CECR2: variants seen among roughly 807,000 people sequenced by gnomAD.
The protein encoded by CECR2 is chromatin remodeling regulator CECR2.
Under a neutral mutation model 154.5 loss-of-function variants are expected in CECR2, and 30 were observed. The observed-to-expected ratio is 0.19, with a 90% CI of 0.15 to 0.26. The LOEUF (loss-of-function observed/expected upper bound fraction) is 0.26, where lower values mean the gene tolerates loss of function less well. CECR2 is among the 10% of genes least tolerant of loss of function. The pLI, the probability that CECR2 is intolerant of heterozygous loss-of-function variation, is 1.00. For synonymous variants in CECR2, 725 were observed against 683.7 expected, an observed-to-expected ratio of 1.06 and a Z score of -0.94; for missense variants, 1,743 against 1,829.3, an observed-to-expected ratio of 0.95 and a Z score of 0.86.
chr22:17,453,298 T>C (rs1227722026), intron 1 of CECR2, among the ~76,000 whole-genome samples: 1 of 152,026 alleles, frequency 6.6e-6, no homozygotes, highest in African/African-American at 2.4e-5. Flanking sequence ...AAAAATTAAC[T>C]GGACACGGTG....
At chr22:17,538,104 A>G (rs765215160) in intron 10 of CECR2, among the ~76,000 whole-genome samples, 84 of 152,194 alleles carry the variant, frequency 5.5e-4, no homozygotes, top group Non-Finnish European at 1.1e-3. Context: ...CGTAGTCCCA[A>G]CTATTCAGGA....
At chr22:17,488,910 C>T in intron 2 of CECR2, among the ~76,000 whole-genome samples, 1 of 152,156 alleles carries the variant, frequency 6.6e-6, no homozygotes, top group Non-Finnish European at 1.5e-5. Flanking sequence ...CCAGCAATAT[C>T]TGAACAGTCC....
intron 9 of CECR2, among the ~76,000 whole-genome samples, chr22:17,536,567 G>A (rs932234424): frequency 1.3e-5 from 2 of 152,220 alleles, no homozygotes; most frequent in Non-Finnish European, 2.9e-5. Flanking sequence ...CCTGATCTGG[G>A]GGTGGGGTGG....
At chr22:17,402,274 T>G (rs987430082) in intron 1 of CECR2, among the ~76,000 whole-genome samples, 1 of 151,788 alleles carries the variant, frequency 6.6e-6, no homozygotes, top group Non-Finnish European at 1.5e-5. Flanking sequence ...CGTGAGCCAC[T>G]GTGCCTGGCC....
intron 1 of CECR2, among the ~76,000 whole-genome samples, chr22:17,376,483 G>T (rs1162946777): frequency 6.8e-6 from 1 of 146,244 alleles, no homozygotes; most frequent in Non-Finnish European, 1.5e-5. Context: ...TCCATGGTGT[G>T]CTGGGGCTCG....
intron 1 of CECR2, among the ~76,000 whole-genome samples, chr22:17,400,118 T>G (rs2053870060): frequency 6.6e-6 from 1 of 152,230 alleles, no homozygotes. Flanking sequence ...TTTCCTCATT[T>G]TCCTTCCTTT....
intron 1 of CECR2, among the ~76,000 whole-genome samples, chr22:17,377,106 A>G (rs1396142573): frequency 6.6e-6 from 1 of 152,212 alleles, no homozygotes; most frequent in Admixed American, 6.5e-5. Context: ...AATGTTTCTC[A>G]GCATGCATAA....
intron 1 of CECR2, among the ~76,000 whole-genome samples, chr22:17,372,834 C>T (rs2146443076): frequency 6.6e-6 from 1 of 152,068 alleles, no homozygotes; most frequent in Middle Eastern, 3.4e-3. Context: ...TTCAGGAAAC[C>T]AGTTTTCAGC....
At chr22:17,431,464 T>C (rs2054421235) in intron 1 of CECR2, among the ~76,000 whole-genome samples, 2 of 152,200 alleles carry the variant, frequency 1.3e-5, no homozygotes, top group South Asian at 4.1e-4. Flanking sequence ...AGAACACTCT[T>C]CAAAACATAT....
chr22:17,452,926 A>C (rs1410605308), intron 1 of CECR2, among the ~76,000 whole-genome samples: 5 of 152,166 alleles, frequency 3.3e-5, no homozygotes, highest in Admixed American at 2.0e-4. Context: ...CGTGTTCCTC[A>C]TTAGCAGTAA....
chr22:17,405,393 C>T (rs200231159), intron 1 of CECR2, among the ~76,000 whole-genome samples: 2 of 147,494 alleles, frequency 1.4e-5, no homozygotes, highest in African/African-American at 5.0e-5. Context: ...GCATGGGCAA[C>T]GAGAGCGAAA....
chr22:17,551,373 A>G (rs2056705951), intron 17 of CECR2, among the ~76,000 whole-genome samples: 1 of 150,436 alleles, frequency 6.6e-6, no homozygotes, highest in Non-Finnish European at 1.5e-5. Context: ...AGGCTCATGG[A>G]TTTGCATTTG....
At chr22:17,426,222 A>T (rs5746371) in intron 1 of CECR2, among the ~76,000 whole-genome samples, 10,240 of 152,244 alleles carry the variant, frequency 0.067, 931 homozygotes, top group East Asian at 0.36. Context: ...TTATCACACA[A>T]AAAAAGATTA....
At chr22:17,412,015 C>T (rs1601311885) in intron 1 of CECR2, among the ~76,000 whole-genome samples, 1 of 152,126 alleles carries the variant, frequency 6.6e-6, no homozygotes, top group Non-Finnish European at 1.5e-5. Context: ...GATGACATCT[C>T]TGTGTAAGTG....
chr22:17,421,614 CAAAAAA>C (rs34156323), intron 1 of CECR2, among the ~76,000 whole-genome samples: 15 of 23,372 alleles, frequency 6.4e-4, no homozygotes, highest in South Asian at 7.0e-3. Flanking sequence ...GACTCCGTCT[CAAAAAA>C]AAAAAAAAAA....
At chr22:17,500,216 A>G (rs1328376899) in intron 4 of CECR2, among the ~76,000 whole-genome samples, 1 of 151,874 alleles carries the variant, frequency 6.6e-6, no homozygotes, top group Non-Finnish European at 1.5e-5. Flanking sequence ...ATCAAAAAAA[A>G]AAAAAAAAAA....
intron 1 of CECR2, among the ~76,000 whole-genome samples, chr22:17,429,643 C>T (rs2054391348): frequency 6.6e-6 from 1 of 151,900 alleles, no homozygotes; most frequent in Non-Finnish European, 1.5e-5. Context: ...TGGGGGTTGA[C>T]TTATGGAAGA....
chr22:17,528,455 A>C (rs930602416), intron 9 of CECR2, among the ~76,000 whole-genome samples: 12 of 151,988 alleles, frequency 7.9e-5, no homozygotes, highest in Non-Finnish European at 5.9e-5. Flanking sequence ...TAATGGGTAC[A>C]AAAAAAATAG....
intron 14 of CECR2, among the ~76,000 whole-genome samples, chr22:17,541,576 G>A (rs565023871): frequency 6.6e-6 from 1 of 152,198 alleles, no homozygotes. Flanking sequence ...GGCTAAAATG[G>A]ATCCTTGGGA....
Sources: gnomAD v4.1 joint callset for allele counts (sites outside exome capture counted in the v4.1 genomes callset) on GRCh38, gnomAD v4.1.1 for gene constraint, MANE v1.5 for transcripts, NCBI Gene and HGNC (gene_info 2026-07-23, HGNC 2026-07-21) for gene names.